SCN8A: variants seen among roughly 807,000 people sequenced by gnomAD.
SCN8A encodes sodium voltage-gated channel alpha subunit 8, also known as sodium channel protein type 8 subunit alpha.
Under a neutral mutation model 184.1 loss-of-function variants are expected in SCN8A, and 30 were observed. The observed-to-expected ratio is 0.16, with a 90% confidence interval of 0.12 to 0.22. The LOEUF is 0.22. SCN8A is among the 10% of genes least tolerant of loss of function. The probability of loss-of-function intolerance (pLI) is 1.00; values close to 1 mark genes in which losing one functional copy is unlikely to be tolerated. For missense variants in SCN8A, 1,057 were observed against 2,498.9 expected (o/e 0.42, Z 12.30); for synonymous variants, 852 against 907.0 (o/e 0.94, Z 1.09).
chr12:51,738,169 C>T (rs1439708918), intron 12 of SCN8A, among the ~76,000 whole-genome samples: 4 of 152,126 alleles, frequency 2.6e-5, no homozygotes, highest in African/African-American at 9.7e-5. Context: ...TAGTCCCATA[C>T]CAGGGACATA....
In SCN8A at chr12:51,808,453, G is replaced by A. The variant is rs953132805; in HGVS notation, c.*1024G>A. ...GCTGCTCTGTGTCCAGTACATGGGG[G>A]AGACTTTGATCCCAAATGGCTTGTA... On this transcript the variant is annotated 3_prime_UTR_variant, in exon 27 of 27. Transcript: ENST00000627620. 1.3e-5 allele frequency: 2 copies of A among 152,592 alleles called. No homozygotes were observed. Among genetic ancestry groups the A allele is most frequent in the Non-Finnish European group, 2.9e-5 (2 of 68,036 alleles). 9.5% of individuals were successfully genotyped at this position (152,592 alleles called of 1,614,324 possible).
chr12:51,709,044 G>A lies in SCN8A; in HGVS notation c.1635+2329G>A, dbSNP rs1393607518. On this transcript the variant is annotated intron_variant, in intron 11 of 26. Transcript: ENST00000627620. ...AAGCACAGATCTATCCCAACATGGA[G>A]ATTCAGTAAAGATTTTCTGGGAAAG... 7.2e-5 allele frequency among the ~76,000 whole-genome samples: 11 copies of A among 152,168 alleles called. 1 individual carries two copies. Among genetic ancestry groups the A allele is most frequent in the Admixed American group, 7.2e-4 (11 of 15,270 alleles).
chr12:51,600,154 A>G (rs999711304), intron 1 of SCN8A, among the ~76,000 whole-genome samples: 2 of 152,192 alleles, frequency 1.3e-5, no homozygotes, highest in African/African-American at 4.8e-5. Flanking sequence ...GCTCTCACTG[A>G]TAAAGATTAT....
intron 1 of SCN8A, among the ~76,000 whole-genome samples, chr12:51,647,719 G>A (rs1940621867): frequency 6.6e-6 from 1 of 152,216 alleles, no homozygotes; most frequent in Non-Finnish European, 1.5e-5. Context: ...AGTGAAATCT[G>A]TAAGTAACAA....
intron 12 of SCN8A, among the ~76,000 whole-genome samples, chr12:51,730,468 C>CA (rs1349887234): frequency 6.6e-6 from 1 of 152,068 alleles, no homozygotes; most frequent in Non-Finnish European, 1.5e-5. Flanking sequence ...GCCCTAAGAA[C>CA]AAAAAATAAT....
At chr12:51,598,258 C>T (rs186325129) in intron 1 of SCN8A, among the ~76,000 whole-genome samples, 98 of 152,190 alleles carry the variant, frequency 6.4e-4, no homozygotes, top group African/African-American at 2.2e-3. Flanking sequence ...TGGATGTGAA[C>T]GTGGGGAACT....
chr12:51,660,145 T>C (rs1254242689), intron 1 of SCN8A, among the ~76,000 whole-genome samples: 1 of 152,086 alleles, frequency 6.6e-6, no homozygotes, highest in African/African-American at 2.4e-5. Context: ...CAGGATAACA[T>C]AGTGTCACTT....
chr12:51,649,605 G>A (rs1042264946), intron 1 of SCN8A, among the ~76,000 whole-genome samples: 2 of 151,918 alleles, frequency 1.3e-5, no homozygotes, highest in African/African-American at 4.8e-5. Flanking sequence ...ACCCTCTGAA[G>A]CCTTGGCCCG....
Position 51,618,990 on chromosome 12 carries a change from C to T in SCN8A, c.-55+27631C>T, listed in dbSNP as rs1442093916. Among the ~76,000 whole-genome samples the T allele has an allele frequency of 2.6e-5, 4 of 152,116 alleles. No individual in the cohort carries two copies. The East Asian group carries it at 7.7e-4, about 29-fold the overall frequency. ...AACAAAGTAAGAGAGGTAAGTCTTC[C>T]TCAGTTACCTACCTCCTAGCCACAC... On this transcript the variant is annotated intron_variant, in intron 1 of 26. Transcript: ENST00000627620.
intron 20 of SCN8A, 46 bp downstream of exon 20, chr12:51,774,408 A>G: frequency 7.8e-6 from 12 of 1,542,762 alleles, no homozygotes; most frequent in Non-Finnish European, 1.1e-5. Flanking sequence ...GCAGGAACAC[A>G]GAAACAGGGG....
intron 1 of SCN8A, among the ~76,000 whole-genome samples, chr12:51,631,726 C>A (rs918757954): frequency 3.3e-5 from 5 of 152,208 alleles, no homozygotes; most frequent in African/African-American, 1.2e-4. Flanking sequence ...TTAAAGAGAT[C>A]ATACTTCCAA....
intron 25 of SCN8A, among the ~76,000 whole-genome samples, chr12:51,793,318 C>A (rs1202731995): frequency 6.6e-6 from 1 of 152,014 alleles, no homozygotes; most frequent in South Asian, 2.1e-4. Context: ...GGCTTGAGAG[C>A]CTGGATGAAT....
chr12:51,687,325 G>A, intron 5 of SCN8A, 106 bp downstream of exon 5: 1 of 1,272,474 alleles, frequency 7.9e-7, no homozygotes, highest in Non-Finnish European at 1.1e-6. Flanking sequence ...AGCTGTATGA[G>A]GAATTAATGG....
intron 4 of SCN8A, 67 bp downstream of exon 4, chr12:51,686,524 C>T (rs1269303107): frequency 1.9e-6 from 2 of 1,073,688 alleles, no homozygotes; most frequent in Admixed American, 2.0e-5. Flanking sequence ...TCTTGCTTTG[C>T]CACAGTTTAC....
Position 51,758,715 on chromosome 12 carries a change from G to A in SCN8A, c.2371-3788G>A, listed in dbSNP as rs150685465. On this transcript the variant is annotated intron_variant, in intron 14 of 26. Coordinates refer to ENST00000627620, the MANE Select transcript of SCN8A (RefSeq NM_001330260.2). Reference sequence around the variant, plus strand: ...GGCATTCCAAAGTGCTGGGATTATAGGCGTGAGCCACCGTGCCTGGCCTCA... The same window carrying A: ...GGCATTCCAAAGTGCTGGGATTATAAGCGTGAGCCACCGTGCCTGGCCTCA... Among the ~76,000 whole-genome samples, 839 of 152,318 alleles carry A rather than the reference G, an allele frequency of 5.5e-3. 7 individuals are homozygous for A. Among genetic ancestry groups the A allele is most frequent in the African/African-American group, 0.019 (803 of 41,564 alleles).
At chr12:51,749,745 G>A (rs1942568526) in intron 13 of SCN8A, among the ~76,000 whole-genome samples, 1 of 152,036 alleles carries the variant, frequency 6.6e-6, no homozygotes, top group African/African-American at 2.4e-5. Context: ...ATAAAGCATC[G>A]CCATCCAGCT....
intron 1 of SCN8A, among the ~76,000 whole-genome samples, chr12:51,640,758 G>A (rs1231254576): frequency 6.6e-6 from 1 of 152,170 alleles, no homozygotes; most frequent in Non-Finnish European, 1.5e-5. Context: ...ATCAGTTCCT[G>A]ATTCATCCAC....
Position 51,699,731 on chromosome 12 carries a change from G to C in SCN8A, c.868G>C (p.Glu290Gln). ...KCVVWPINFN[E>Q]SYLENGTKGF... is the part of the protein sequence containing the mutation. ...TGTTGTGTGGCCCATAAACTTCAAC[G>C]AGAGCTATCTTGAAAATGGCACCAA... is the stretch of plus-strand genomic sequence containing the variant. The change falls in exon 7 of 27, where the codon GAG (glutamate) becomes CAG (glutamine). Residue 290 changes from glutamate (E) to glutamine (Q), a missense_variant. Glu to Gln is a conservative substitution (Grantham distance 29). This residue lies in a region of SCN8A where 26 missense variants were observed against 44.4 expected (regional missense o/e 0.59). Transcript: ENST00000627620. 1.2e-6 allele frequency: 2 copies of C among 1,613,888 alleles called. No individual in the cohort carries two copies. The highest frequency in any genetic ancestry group is 1.6e-4 in the Middle Eastern group (1 of 6,062).
intron 12 of SCN8A, among the ~76,000 whole-genome samples, chr12:51,728,691 C>T (rs1942192088): frequency 6.7e-6 from 1 of 149,220 alleles, no homozygotes; most frequent in Admixed American, 6.7e-5. Context: ...GCAGTGATCA[C>T]TGTACTCCAG....
Sources: gnomAD v4.1 joint callset for allele counts (sites outside exome capture counted in the v4.1 genomes callset) on GRCh38, gnomAD v4.1.1 for gene constraint, gnomAD v4.1.1 regional missense constraint, MANE v1.5 for transcripts, NCBI Gene and HGNC (gene_info 2026-07-23, HGNC 2026-07-21) for gene names.